EFR3A: variants seen among roughly 807,000 people sequenced by gnomAD.
EFR3A encodes the protein EFR3 homolog A, also known as protein EFR3 homolog A.
In EFR3A, 76 loss-of-function variants were observed where a neutral mutation model predicts 104.4. That is an observed-to-expected ratio of 0.73 (90% confidence interval 0.60 to 0.88). The LOEUF (loss-of-function observed/expected upper bound fraction) is 0.88, where lower values mean the gene tolerates loss of function less well. EFR3A is among the 40% of genes least tolerant of loss of function. The pLI is 0.00. For synonymous variants in EFR3A, 330 were observed against 330.0 expected, an observed-to-expected ratio of 1.00 and a Z score of 0.00; for missense variants, 985 against 1,012.5, an observed-to-expected ratio of 0.97 and a Z score of 0.37.
intron 8 of EFR3A, among the ~76,000 whole-genome samples, chr8:131,963,993 CAGAAAA>C (rs1819550917): frequency 6.6e-6 from 1 of 152,130 alleles, no homozygotes; most frequent in Non-Finnish European, 1.5e-5. Context: ...TCAATAGATG[CAGAAAA>C]GGCCTTTGAC....
At chr8:131,968,263 T>C in intron 8 of EFR3A, 32 bp from the exon 9 acceptor site, 1 of 1,600,804 alleles carries the variant, frequency 6.2e-7, no homozygotes, top group Non-Finnish European at 8.5e-7. Flanking sequence ...ATGTACTTTT[T>C]ATACATCTTT....
At chr8:131,923,880 GATGA>G (rs1817174131) in intron 1 of EFR3A, among the ~76,000 whole-genome samples, 1 of 152,036 alleles carries the variant, frequency 6.6e-6, no homozygotes, top group South Asian at 2.1e-4. Context: ...ACTAAGCGAA[GATGA>G]ATGAAACAGT....
At chr8:131,923,466 C>T (rs373371380) in intron 1 of EFR3A, among the ~76,000 whole-genome samples, 1 of 148,462 alleles carries the variant, frequency 6.7e-6, no homozygotes, top group Non-Finnish European at 1.5e-5. Flanking sequence ...ATAAACTTCA[C>T]GGCCTTTAAA....
intron 8 of EFR3A, among the ~76,000 whole-genome samples, chr8:131,960,082 G>A (rs538814904): frequency 3.0e-4 from 46 of 152,254 alleles, no homozygotes; most frequent in Admixed American, 1.4e-3. Context: ...TTTGGGCACT[G>A]GAAAGCTGAA....
intron 1 of EFR3A, chr8:131,924,163 G>A (rs1307769042): frequency 4.8e-6 from 2 of 420,940 alleles, no homozygotes. Flanking sequence ...TATTACCAGA[G>A]TATGATTATT....
chr8:131,993,205 A>G lies in EFR3A; in HGVS notation c.2066-3201A>G, dbSNP rs552019461. Among the ~76,000 whole-genome samples the G allele has an allele frequency of 2.6e-5, 4 of 152,328 alleles. No homozygotes were observed. In the East Asian group the frequency reaches 7.7e-4, roughly 29 times the overall value. On this transcript the variant is annotated intron_variant, in intron 18 of 22. Transcript: ENST00000254624. Reference sequence around the variant, plus strand: ...TAAGAAACCCTAGCTAGGTTATGCTATAGTAGCAAACAACCCCAAGTTCTT... The same window carrying G: ...TAAGAAACCCTAGCTAGGTTATGCTGTAGTAGCAAACAACCCCAAGTTCTT...
rs774325452 is a variant in EFR3A, at chr8:131,955,769, C to T, written c.640C>T (p.Arg214Cys). The T allele has an allele frequency of 6.8e-6, 11 of 1,606,338 alleles. No homozygotes were observed. In the South Asian group the frequency reaches 7.8e-5, roughly 11 times the overall value. Residue 214 changes from arginine (R) to cysteine (C), a missense_variant and splice_region_variant, in exon 7 of 23, where the codon CGC becomes TGC. Coordinates refer to ENST00000254624, the MANE Select transcript of EFR3A (RefSeq NM_015137.6). ...NMQKIEEVDSRIGPPSSPSAT... is the reference protein window; with the variant it reads ...NMQKIEEVDSCIGPPSSPSAT... ...TCTTTATTTCTCGTTCCTTTTTAGTCGCATAGGCCCTCCTTCTTCTCCTTC... is the reference window on the plus strand; with the variant it reads ...TCTTTATTTCTCGTTCCTTTTTAGTTGCATAGGCCCTCCTTCTTCTCCTTC...
intron 1 of EFR3A, among the ~76,000 whole-genome samples, chr8:131,934,020 T>C (rs185158906): frequency 2.7e-4 from 41 of 152,224 alleles, no homozygotes; most frequent in African/African-American, 9.6e-4. Flanking sequence ...AAATTGAGAA[T>C]GAAAGGAGAG....
chr8:131,970,519 G>A lies in EFR3A; in HGVS notation c.1035G>A (p.Leu345=). ...LEVFNTLLKH[L]RLSVEFEAND... Reference sequence around the variant, plus strand: ...TCTTCAATACCCTTTTGAAACATCTGCGTCTCAGCGTTGAATTCGAAGCAA... The same window carrying A: ...TCTTCAATACCCTTTTGAAACATCTACGTCTCAGCGTTGAATTCGAAGCAA... Residue 345 remains leucine, a synonymous_variant, in exon 10 of 23, where the codon CTG becomes CTA. Coordinates refer to ENST00000254624, the MANE Select transcript of EFR3A (RefSeq NM_015137.6). The A allele has an allele frequency of 6.2e-7, 1 of 1,613,874 alleles. No individual in the cohort carries two copies. Among genetic ancestry groups the A allele is most frequent in the Non-Finnish European group, 8.5e-7 (1 of 1,179,810 alleles).
At chr8:131,957,786 AAAT>A (rs1199316351) in intron 7 of EFR3A, among the ~76,000 whole-genome samples, 2 of 152,230 alleles carry the variant, frequency 1.3e-5, no homozygotes, top group African/African-American at 4.8e-5. Flanking sequence ...CGAGTAAAGA[AAAT>A]AATAGATGAT....
chr8:131,916,450 G>A (rs1419841420), intron 1 of EFR3A, among the ~76,000 whole-genome samples: 1 of 152,146 alleles, frequency 6.6e-6, no homozygotes, highest in East Asian at 1.9e-4. Context: ...CTTTTTGGAG[G>A]AGGAGGAATT....
intron 8 of EFR3A, among the ~76,000 whole-genome samples, chr8:131,967,604 A>G (rs1288515529): frequency 6.6e-6 from 1 of 151,722 alleles, no homozygotes; most frequent in Admixed American, 6.6e-5. Flanking sequence ...CACTGGAGTT[A>G]AGAATAAACA....
chr8:132,002,997 G>C (rs1004746732), intron 21 of EFR3A, among the ~76,000 whole-genome samples: 2 of 151,956 alleles, frequency 1.3e-5, no homozygotes, highest in African/African-American at 2.4e-5. Context: ...CAGGTATTTT[G>C]TTTTATGTGT....
intron 4 of EFR3A, 133 bp downstream of exon 4, chr8:131,946,766 A>G (rs1375254897): frequency 3.7e-6 from 3 of 805,560 alleles, no homozygotes; most frequent in Admixed American, 8.1e-5. Context: ...ACAAATTAAG[A>G]TAATTAGAAT....
At chr8:131,972,452 T>G (rs1289111732) in intron 10 of EFR3A, among the ~76,000 whole-genome samples, 2 of 151,646 alleles carry the variant, frequency 1.3e-5, no homozygotes, top group East Asian at 3.9e-4. Context: ...CTTTCTTTTT[T>G]AAATTTTCTT....
chr8:131,950,083 C>T lies in EFR3A; in HGVS notation c.481C>T (p.Arg161Ter), dbSNP rs764347591. 3.7e-6 allele frequency: 6 copies of T among 1,606,070 alleles called. No individual in the cohort carries two copies. In the African/African-American group the frequency reaches 4.0e-5, roughly 11 times the overall value. The change falls in exon 5 of 23, where the codon CGA becomes TGA. Residue 161 changes from arginine (R) to a stop codon, truncating the protein, a stop_gained. Coordinates refer to ENST00000254624, the MANE Select transcript of EFR3A (RefSeq NM_015137.6). LOFTEE classifies it high-confidence loss of function. Reference protein sequence around the residue: ...CHSCHSDPEIRTEIRIAGIRG... With the variant: ...CHSCHSDPEI ...TTCCTGTCATAGTGATCCAGAAATACGAACAGAGTATGTATTATTTTACTT... is the reference window on the plus strand; with the variant it reads ...TTCCTGTCATAGTGATCCAGAAATATGAACAGAGTATGTATTATTTTACTT...
At chr8:131,946,289 G>A (rs1450421260) in intron 3 of EFR3A, among the ~76,000 whole-genome samples, 194 bp from the exon 4 acceptor site, 3 of 152,002 alleles carry the variant, frequency 2.0e-5, no homozygotes, top group East Asian at 1.9e-4. Context: ...TGTATACTTC[G>A]ATAAAAGGAT....
At chr8:131,979,533 T>G in intron 14 of EFR3A, 112 bp downstream of exon 14, 1 of 740,188 alleles carries the variant, frequency 1.4e-6, no homozygotes, top group Non-Finnish European at 2.2e-6. Context: ...AATTTTGAAT[T>G]TGAAAGACCT....
chr8:131,916,018 C>G (rs145713795), intron 1 of EFR3A, among the ~76,000 whole-genome samples: 1 of 152,122 alleles, frequency 6.6e-6, no homozygotes, highest in Non-Finnish European at 1.5e-5. Context: ...GTGCTCAGCA[C>G]GTAGTTAAAC....
Sources: allele counts gnomAD v4.1 joint callset (sites outside exome capture counted in the v4.1 genomes callset), GRCh38; gene constraint gnomAD v4.1.1; transcripts MANE v1.5; gene names NCBI Gene and HGNC (gene_info 2026-07-23, HGNC 2026-07-21).